VAV2: variants seen among roughly 807,000 people sequenced by gnomAD.
The protein encoded by VAV2 is vav guanine nucleotide exchange factor 2.
Under a neutral mutation model 132.5 loss-of-function variants are expected in VAV2, and 67 were observed. The observed-to-expected ratio is 0.51, with a 90% confidence interval of 0.42 to 0.62. The LOEUF (loss-of-function observed/expected upper bound fraction) is 0.62, where lower values mean the gene tolerates loss of function less well. Among genes scored for constraint, VAV2 ranks in the 20% least tolerant of loss-of-function variants. The pLI, the probability that VAV2 is intolerant of heterozygous loss-of-function variation, is 0.00. For missense variants in VAV2, 938 were observed against 1,153.6 expected (o/e 0.81, Z 2.71); for synonymous variants, 492 against 443.5 (o/e 1.11, Z -1.37).
chr9:133,842,441 C>T (rs954693135), intron 3 of VAV2, among the ~76,000 whole-genome samples: 1 of 152,230 alleles, frequency 6.6e-6, no homozygotes, highest in Non-Finnish European at 1.5e-5. Context: ...TAAGGGAGCG[C>T]CCTCGGCCTC....
In VAV2 at chr9:133,794,008, C is replaced by T. The variant is rs143262345; in HGVS notation, c.1101+1660G>A. On this transcript the variant is annotated intron_variant, in intron 12 of 29. Coordinates refer to ENST00000371850, the MANE Select transcript of VAV2 (RefSeq NM_001134398.2). The surrounding 1 kb of genome is among the most constrained non-coding windows in gnomAD (Gnocchi z 4.6). ...AGGCAGACGCACACCCGCAAGTCAC[C>T]GAGTACTTTGTGCAGCACCGTGAGC... Among the ~76,000 whole-genome samples, 433 of 150,994 alleles carry T rather than the reference C, an allele frequency of 2.9e-3. 1 individual carries two copies. Among genetic ancestry groups the T allele is most frequent in the Non-Finnish European group, 5.0e-3 (337 of 67,588 alleles).
In VAV2 at chr9:133,948,558, C is replaced by A. The variant is rs183966533; in HGVS notation, c.205-9339G>T. On this transcript the variant is annotated intron_variant, in intron 1 of 29. Transcript: ENST00000371850. ...GTGCCCTCAGGAGTGGAGCTCCCCC[C>A]ACCAAGAGCAAGCAGCTTGAGCCAT... is the stretch of plus-strand genomic sequence containing the variant. Among the ~76,000 whole-genome samples, 19 of 145,454 alleles carry A rather than the reference C, an allele frequency of 1.3e-4. No homozygotes were observed. In the South Asian group the frequency reaches 1.5e-3, roughly 11 times the overall value.
chr9:133,989,437 T>C (rs1418386463), intron 1 of VAV2, among the ~76,000 whole-genome samples: 1 of 151,392 alleles, frequency 6.6e-6, no homozygotes, highest in African/African-American at 2.4e-5. Context: ...GGAGAATTGC[T>C]TGAACCCAGG....
chr9:133,806,549 G>A lies in VAV2; in HGVS notation c.736-368C>T, dbSNP rs1051933730. Among the ~76,000 whole-genome samples, 12 of 139,194 alleles carry A rather than the reference G, an allele frequency of 8.6e-5. No homozygotes were observed. In the East Asian group the frequency reaches 1.0e-3, roughly 12 times the overall value. 91.3% of individuals were successfully genotyped at this position (139,194 alleles called of 152,430 possible). A position where few individuals can be genotyped will look rare whatever the true frequency, so the allele number is the denominator to read the frequency against. On this transcript the variant is annotated intron_variant, in intron 8 of 29. Coordinates refer to ENST00000371850, the MANE Select transcript of VAV2 (RefSeq NM_001134398.2). ...TCCCCACCCCGGGACCCCCATCCCC[G>A]CCCCAGGCCTCTTTCTGTCTGTGCT... is the stretch of plus-strand genomic sequence containing the variant.
At chr9:133,901,997 G>A (rs1839462391) in intron 2 of VAV2, among the ~76,000 whole-genome samples, 1 of 152,116 alleles carries the variant, frequency 6.6e-6, no homozygotes, top group Non-Finnish European at 1.5e-5. Flanking sequence ...TGCACGTCAG[G>A]AGACTCTGTG....
At position 133,984,225 on chromosome 9, in the gene VAV2, C is replaced by T. The variant is rs570629951; in HGVS notation, c.204+7850G>A. Among the ~76,000 whole-genome samples the T allele has an allele frequency of 1.0e-3, 154 of 152,326 alleles. 1 individual carries two copies. Among genetic ancestry groups the T allele is most frequent in the Non-Finnish European group, 1.9e-3 (126 of 68,032 alleles). On this transcript the variant is annotated intron_variant, in intron 1 of 29. Coordinates refer to ENST00000371850, the MANE Select transcript of VAV2 (RefSeq NM_001134398.2). Reference sequence around the variant, plus strand: ...CTGACCTCAGGTGATCTGCCTGCCTCAGCATCCCAAAGTGCTGGGATTACA... The same window carrying T: ...CTGACCTCAGGTGATCTGCCTGCCTTAGCATCCCAAAGTGCTGGGATTACA...
intron 1 of VAV2, among the ~76,000 whole-genome samples, chr9:133,972,566 C>G (rs1343103999): frequency 6.6e-6 from 1 of 152,252 alleles, no homozygotes; most frequent in African/African-American, 2.4e-5. Flanking sequence ...CTGAGCCCCC[C>G]TGAGAAACAT....
intron 19 of VAV2, among the ~76,000 whole-genome samples, chr9:133,781,499 A>G (rs1326492631): frequency 6.6e-6 from 1 of 152,016 alleles, no homozygotes; most frequent in East Asian, 1.9e-4. Context: ...GGTGGGGGGC[A>G]GCTGGACGGC....
At chr9:133,964,831 A>G (rs1203650460) in intron 1 of VAV2, among the ~76,000 whole-genome samples, 2 of 152,226 alleles carry the variant, frequency 1.3e-5, no homozygotes, top group Non-Finnish European at 2.9e-5. Flanking sequence ...TCTACACAAT[A>G]AAGGTCATAC....
chr9:133,976,315 C>T (rs1343552248), intron 1 of VAV2, among the ~76,000 whole-genome samples: 1 of 152,122 alleles, frequency 6.6e-6, no homozygotes, highest in Non-Finnish European at 1.5e-5. Flanking sequence ...ATGGAGGAGG[C>T]GACAGTGAGA....
intron 3 of VAV2, among the ~76,000 whole-genome samples, chr9:133,847,454 T>C (rs1367558546): frequency 2.0e-5 from 3 of 152,190 alleles, no homozygotes; most frequent in Non-Finnish European, 4.4e-5. Context: ...AAAGGGGCAG[T>C]GGAGCCTCTC....
intron 2 of VAV2, among the ~76,000 whole-genome samples, chr9:133,864,940 C>T (rs1218850927): frequency 6.6e-6 from 1 of 152,198 alleles, no homozygotes; most frequent in Non-Finnish European, 1.5e-5. Context: ...TGATTTATCT[C>T]CAATGTCTTC....
chr9:133,784,701 G>A (rs1175979148), intron 17 of VAV2, among the ~76,000 whole-genome samples: 1 of 152,212 alleles, frequency 6.6e-6, no homozygotes, highest in Non-Finnish European at 1.5e-5. Flanking sequence ...GCTTGGATGT[G>A]GGCAGGTGTG....
At chr9:133,967,933 CAAAAA>C (rs34152925) in intron 1 of VAV2, among the ~76,000 whole-genome samples, 2 of 71,362 alleles carry the variant, frequency 2.8e-5, no homozygotes, top group Non-Finnish European at 2.5e-5. Context: ...ACTCTATAAC[CAAAAA>C]AAAAAAAAAA....
chr9:133,985,728 A>G (rs1702442163), intron 1 of VAV2, among the ~76,000 whole-genome samples: 1 of 152,228 alleles, frequency 6.6e-6, no homozygotes. Flanking sequence ...CCAGAAAGTC[A>G]GGCACGGTAT....
chr9:133,917,355 T>C (rs1427257142), intron 2 of VAV2, among the ~76,000 whole-genome samples: 1 of 152,010 alleles, frequency 6.6e-6, no homozygotes, highest in Non-Finnish European at 1.5e-5. Context: ...AAAGGAATGA[T>C]TCTCTAATGG....
chr9:133,965,187 T>TAA lies in VAV2; in HGVS notation c.205-25970_205-25969dup, dbSNP rs529798168. ...ATACACCAACAATGGACTAGCAGAA[T>TAA]AAAAAAAAAATCAAGAAAGGCCAGG... On this transcript the variant is annotated intron_variant, in intron 1 of 29. Coordinates refer to ENST00000371850, the MANE Select transcript of VAV2 (RefSeq NM_001134398.2). Among the ~76,000 whole-genome samples the TAA allele has an allele frequency of 2.2e-3, 324 of 147,610 alleles. 1 individual carries two copies. Among genetic ancestry groups the TAA allele is most frequent in the African/African-American group, 7.3e-3 (295 of 40,302 alleles).
At chr9:133,959,614 A>G (rs942505476) in intron 1 of VAV2, among the ~76,000 whole-genome samples, 1 of 152,186 alleles carries the variant, frequency 6.6e-6, no homozygotes, top group African/African-American at 2.4e-5. Flanking sequence ...CACGTCCCCT[A>G]TCTTGTCCTG....
Position 133,863,927 on chromosome 9 carries a change from C to A in VAV2, c.322-2495G>T, listed in dbSNP as rs183418991. ...GAAAGGTTAGGAGCAGAAGTACCTCCCTGCAGGAGGAGGGATGCCCTACAG... is the reference window on the plus strand; with the variant it reads ...GAAAGGTTAGGAGCAGAAGTACCTCACTGCAGGAGGAGGGATGCCCTACAG... On this transcript the variant is annotated intron_variant, in intron 2 of 29. Coordinates refer to ENST00000371850, the MANE Select transcript of VAV2 (RefSeq NM_001134398.2). This position sits in a 1 kb window ranked among gnomAD's most constrained non-coding sequence, Gnocchi z 5.0. Among the ~76,000 whole-genome samples the A allele has an allele frequency of 7.6e-4, 115 of 152,238 alleles. No individual in the cohort carries two copies. The highest frequency in any genetic ancestry group is 2.7e-3 in the African/African-American group (113 of 41,550).
Sources: allele counts gnomAD v4.1 joint callset (sites outside exome capture counted in the v4.1 genomes callset), GRCh38; gene constraint gnomAD v4.1.1; non-coding constraint Gnocchi (gnomAD v3.1); transcripts MANE v1.5; gene names NCBI Gene and HGNC (gene_info 2026-07-23, HGNC 2026-07-21).